The following PER3 variants were observed in gnomAD, a reference collection of about 807,000 sequenced individuals.
PER3 encodes the protein period circadian regulator 3.
PER3 carries 107 observed loss-of-function variants against 127.2 expected under a neutral mutation model. The observed-to-expected ratio is 0.84, with a 90% CI of 0.72 to 0.99. The LOEUF (loss-of-function observed/expected upper bound fraction) is 0.99, where lower values mean the gene tolerates loss of function less well. Among genes scored for constraint, PER3 ranks in the 50% least tolerant of loss-of-function variants. PER3 has a pLI of 0.00. For missense variants in PER3, 1,560 were observed against 1,525.8 expected (o/e 1.02, Z -0.37); for synonymous variants, 618 against 585.8 (o/e 1.05, Z -0.79).
chr1:7,830,115 G>C lies in PER3; in HGVS notation c.3168G>C (p.Gly1056=). 1 of 1,614,160 alleles carries C rather than the reference G, an allele frequency of 6.2e-7. No homozygotes were observed. Among genetic ancestry groups the C allele is most frequent in the Non-Finnish European group, 8.5e-7 (1 of 1,180,008 alleles). ...SHPTATVLST[G]SPPSESPSRT... is the part of the protein sequence containing the mutation. The stretch of plus-strand genomic sequence containing the variant: ...CTACTGCCACTGTTCTGTCCACGGG[G>C]TCACCTCCCAGCGAATCCCCATCCA... The change falls in exon 19 of 22, where the codon GGG becomes GGC. Residue 1056 remains glycine (G), a synonymous_variant. Transcript: ENST00000377532.
rs1251878173 is a variant in PER3 at position 7,827,131 on chromosome 1, C to G, written c.2202C>G (p.Ser734=). 13 of 1,594,106 alleles carry G rather than the reference C, an allele frequency of 8.2e-6. No homozygotes were observed. Among genetic ancestry groups the G allele is most frequent in the Non-Finnish European group, 1.0e-5 (12 of 1,171,314 alleles). Residue 734 remains serine (S), a synonymous_variant, in exon 18 of 22, where the codon TCC becomes TCG. Transcript: ENST00000377532. ...KYSYFQGDST[S]KQTRSAGCRK... is the part of the protein sequence containing the mutation. ...TTATCCTTCCAGGAGATTCTACTTC[C>G]AAGCAGACGCGGTCGGCCGGCTGCA... is the stretch of plus-strand genomic sequence containing the variant.
chr1:7,798,140 G>T (rs955673069), intron 6 of PER3, among the ~76,000 whole-genome samples: 1 of 152,188 alleles, frequency 6.6e-6, no homozygotes, highest in Non-Finnish European at 1.5e-5. Flanking sequence ...GGGCATGATT[G>T]CAGGGGACCC....
chr1:7,794,031 G>T, intron 6 of PER3, 23 bp downstream of exon 6: 1 of 1,593,130 alleles, frequency 6.3e-7, no homozygotes, highest in Non-Finnish European at 8.6e-7. Flanking sequence ...GCTCGTGGAA[G>T]CCAGCAACAG....
At position 7,843,442 on chromosome 1, in the gene PER3, C is replaced by G. The variant is rs1339192026; in HGVS notation, c.*687C>G. The G allele has an allele frequency of 6.6e-6, 1 of 152,306 alleles. No individual in the cohort carries two copies. Among genetic ancestry groups the G allele is most frequent in the African/African-American group, 2.4e-5 (1 of 41,422 alleles). The allele number at this position is 152,306 out of a possible 1,614,324, so 9.4% of individuals were successfully genotyped here. A position where few individuals can be genotyped will look rare whatever the true frequency, so the allele number is the denominator to read the frequency against. On this transcript the variant is annotated 3_prime_UTR_variant, in exon 22 of 22. Transcript: ENST00000377532. The stretch of plus-strand genomic sequence containing the variant: ...TCGATCCGCTTACCATGGGCCTATT[C>G]TTGTAAGTTTCAGTTAGCATTTGCA...
intron 13 of PER3, among the ~76,000 whole-genome samples, chr1:7,818,250 A>G (rs2097260303): frequency 6.6e-6 from 1 of 152,192 alleles, no homozygotes; most frequent in Non-Finnish European, 1.5e-5. Context: ...CATTAGTGGA[A>G]GCTGGGTGAT....
intron 6 of PER3, among the ~76,000 whole-genome samples, chr1:7,795,645 G>A (rs1321026646): frequency 6.6e-6 from 1 of 152,218 alleles, no homozygotes; most frequent in African/African-American, 2.4e-5. Context: ...TGGCCTGAGT[G>A]GAGGAAGGAA....
In PER3 at chr1:7,827,509, G is replaced by T. The variant is rs748000317; in HGVS notation, c.2580G>T (p.Leu860=). The change falls in exon 18 of 22, where the codon CTG becomes CTT. Residue 860 remains leucine (L), a synonymous_variant. Transcript: ENST00000377532. ...PYLDTFMTVF[L]PDPPVCPLLS... is the part of the protein sequence containing the mutation. ...TGGATACTTTTATGACCGTTTTCCT[G>T]CCTGACCCCCCTGTCTGTCCTCTGT... The T allele has an allele frequency of 6.2e-7, 1 of 1,614,176 alleles. No individual in the cohort carries two copies. The highest frequency in any genetic ancestry group is 1.1e-5 in the South Asian group (1 of 91,078).
At chr1:7,832,514 C>T (rs556882166) in intron 19 of PER3, among the ~76,000 whole-genome samples, 10 of 151,620 alleles carry the variant, frequency 6.6e-5, no homozygotes, top group East Asian at 5.8e-4. Context: ...GCTGGGATTA[C>T]GGGTGCCCGC....
intron 13 of PER3, among the ~76,000 whole-genome samples, chr1:7,815,799 CA>C (rs1224572153): frequency 2.7e-5 from 4 of 149,712 alleles, no homozygotes; most frequent in Admixed American, 6.7e-5. Context: ...TCCTGGCTAA[CA>C]CGGTGAAACT....
At chr1:7,814,378 G>A (rs1476157294) in intron 13 of PER3, among the ~76,000 whole-genome samples, 1 of 152,152 alleles carries the variant, frequency 6.6e-6, no homozygotes, top group Non-Finnish European at 1.5e-5. Flanking sequence ...GAGAAACAAA[G>A]ACAAGAATTG....
At chr1:7,796,535 G>A (rs1023488626) in intron 6 of PER3, among the ~76,000 whole-genome samples, 1 of 151,816 alleles carries the variant, frequency 6.6e-6, no homozygotes, top group Non-Finnish European at 1.5e-5. Flanking sequence ...GGCTGGTCTC[G>A]AACTCCTGGC....
Position 7,826,052 on chromosome 1 carries a change from T to G in PER3, c.1958-428T>G, listed in dbSNP as rs2097300089. ...GCCACTTCACTCCAGCGGAATGGTC[T>G]TCTGCAGGGGAAACAAATGAGAACT... On this transcript the variant is annotated intron_variant, in intron 16 of 21. Coordinates refer to ENST00000377532, the MANE Select transcript of PER3 (RefSeq NM_001377275.1). This position sits in a 1 kb window ranked among gnomAD's most constrained non-coding sequence, Gnocchi z 4.2. 1.3e-5 allele frequency among the ~76,000 whole-genome samples: 2 copies of G among 152,164 alleles called. No homozygotes were observed. Among genetic ancestry groups the G allele is most frequent in the African/African-American group, 4.8e-5 (2 of 41,428 alleles).
chr1:7,806,308 A>G (rs1397996331), intron 10 of PER3, among the ~76,000 whole-genome samples: 7 of 152,146 alleles, frequency 4.6e-5, no homozygotes, highest in African/African-American at 1.7e-4. Context: ...TCAGTAAACT[A>G]GAGTAGCCTT....
intron 7 of PER3, among the ~76,000 whole-genome samples, chr1:7,800,867 A>G (rs1158240761): frequency 6.6e-6 from 1 of 151,754 alleles, no homozygotes; most frequent in African/African-American, 2.4e-5. Context: ...TAATGTGCAC[A>G]TTCTTTCTCT....
chr1:7,801,081 C>T, intron 7 of PER3, 32 bp from the exon 8 acceptor site: 1 of 1,333,632 alleles, frequency 7.5e-7, no homozygotes, highest in Non-Finnish European at 1.1e-6. Flanking sequence ...AGATATTTGC[C>T]TTTAAATGGG....
At chr1:7,822,117 G>T (rs780875890) in intron 16 of PER3, among the ~76,000 whole-genome samples, 1 of 152,106 alleles carries the variant, frequency 6.6e-6, no homozygotes, top group Non-Finnish European at 1.5e-5. Context: ...AATTAAGATG[G>T]AATGTAGGCC....
intron 15 of PER3, 21 bp downstream of exon 15, chr1:7,820,260 A>G: frequency 6.2e-7 from 1 of 1,606,146 alleles, no homozygotes; most frequent in Non-Finnish European, 8.5e-7. Context: ...TGCCCCTCAG[A>G]GTTAAATTCA....
chr1:7,793,728 C>G (rs990027618), intron 5 of PER3, among the ~76,000 whole-genome samples: 39 of 152,168 alleles, frequency 2.6e-4, no homozygotes, highest in African/African-American at 8.2e-4. Flanking sequence ...AAAGCCGATT[C>G]TCACTGTTAT....
chr1:7,795,558 G>A (rs2097141584), intron 6 of PER3, among the ~76,000 whole-genome samples: 1 of 152,224 alleles, frequency 6.6e-6, no homozygotes, highest in East Asian at 1.9e-4. Context: ...GTGTGTTCCA[G>A]GCAGAGGGAG....
Sources: gnomAD v4.1 joint callset for allele counts (sites outside exome capture counted in the v4.1 genomes callset) on GRCh38, gnomAD v4.1.1 for gene constraint, Gnocchi (gnomAD v3.1) non-coding constraint, MANE v1.5 for transcripts, NCBI Gene and HGNC (gene_info 2026-07-23, HGNC 2026-07-21) for gene names.